Variants in PREX1 observed in about 807,000 individuals in gnomAD.
PREX1 encodes the protein phosphatidylinositol-3,4,5-trisphosphate dependent Rac exchange factor 1.
PREX1 carries 41 observed loss-of-function variants against 198.3 expected under a neutral mutation model. That is an observed-to-expected ratio of 0.21 (90% CI 0.16 to 0.27). The LOEUF is 0.27. Among genes scored for constraint, PREX1 ranks in the 10% least tolerant of loss-of-function variants. The pLI is 1.00. For missense variants in PREX1, 1,620 were observed against 2,200.7 expected, an observed-to-expected ratio of 0.74 and a Z score of 5.28; for synonymous variants, 843 against 887.2, an observed-to-expected ratio of 0.95 and a Z score of 0.89.
the PREX1 span, among the ~76,000 whole-genome samples, chr20:48,875,024 T>G: frequency 9.2e-5 from 14 of 152,066 alleles, no homozygotes; most frequent in Non-Finnish European, 2.9e-5. Context: ...GATCAGAGTT[T>G]GGGGAGGACA....
In PREX1 at chr20:48,655,723, A is replaced by G. The variant is rs369054127; in HGVS notation, c.2124-348T>C. Among the ~76,000 whole-genome samples the G allele has an allele frequency of 9.9e-5, 15 of 152,122 alleles. No homozygotes were observed. In the East Asian group the frequency reaches 2.5e-3, roughly 25 times the overall value. The stretch of plus-strand genomic sequence containing the variant: ...ACTCCAACCAGTCAATAGTTTAACA[A>G]TCGCAGGTGGGAGGGTGAGAAGTGA... On this transcript the variant is annotated intron_variant, in intron 18 of 39. Transcript: ENST00000371941.
chr20:48,843,018 T>C, the PREX1 span, among the ~76,000 whole-genome samples: 1 of 152,192 alleles, frequency 6.6e-6, no homozygotes, highest in Admixed American at 6.6e-5. Context: ...AATGAATTAA[T>C]GGATTGTTTC....
the PREX1 span, among the ~76,000 whole-genome samples, chr20:48,864,193 A>T: frequency 6.6e-6 from 1 of 152,344 alleles, no homozygotes; most frequent in East Asian, 1.9e-4. Context: ...ACAAAGAAAG[A>T]AACTGAGGCT....
intron 39 of PREX1, 67 bp from the exon 40 acceptor site, chr20:48,625,994 A>G: frequency 1.4e-6 from 2 of 1,417,772 alleles, no homozygotes; most frequent in Non-Finnish European, 1.9e-6. Context: ...TATTATTTCC[A>G]TTTTTACCTG....
chr20:48,814,631 T>G (rs1750470160), intron 1 of PREX1, among the ~76,000 whole-genome samples: 1 of 152,186 alleles, frequency 6.6e-6, no homozygotes, highest in Non-Finnish European at 1.5e-5. Context: ...GAGCTAAAGC[T>G]GGATCACATA....
At chr20:48,669,685 G>C (rs968297610) in intron 14 of PREX1, among the ~76,000 whole-genome samples, 1 of 152,194 alleles carries the variant, frequency 6.6e-6, no homozygotes, top group Non-Finnish European at 1.5e-5. Context: ...GGTGGGGAGA[G>C]TGTCTCCATC....
At chr20:48,657,273 C>A in intron 17 of PREX1, 85 bp from the exon 18 acceptor site, 1 of 1,489,892 alleles carries the variant, frequency 6.7e-7, no homozygotes, top group Non-Finnish European at 9.2e-7. Context: ...ATGTGTTCAG[C>A]AGAAGGGTGC....
At chr20:48,660,973 A>G (rs998664425) in intron 15 of PREX1, among the ~76,000 whole-genome samples, 2 of 152,230 alleles carry the variant, frequency 1.3e-5, no homozygotes, top group African/African-American at 4.8e-5. Flanking sequence ...CCTTATGAAT[A>G]AAGTTTTATT....
chr20:48,819,822 A>C (rs919352182), intron 1 of PREX1, among the ~76,000 whole-genome samples: 11 of 152,258 alleles, frequency 7.2e-5, no homozygotes, highest in African/African-American at 2.7e-4. Context: ...TGCCTGGCAC[A>C]CAGTGGGTGC....
chr20:48,642,416 G>C lies in PREX1; in HGVS notation c.3675C>G (p.Leu1225=). ...QDKLHGCLEH[L]FNQVDSINAL... is the part of the protein sequence containing the mutation. ...GGGGCAAAGGTCCTACCTGGTTAAA[G>C]AGGTGCTCCAGGCAGCCATGAAGCT... Residue 1225 remains leucine (L), a synonymous_variant, in exon 28 of 40, where the codon CTC becomes CTG. Transcript: ENST00000371941. The C allele has an allele frequency of 1.9e-6, 3 of 1,613,168 alleles. No homozygotes were observed. The highest frequency in any genetic ancestry group is 2.5e-6 in the Non-Finnish European group (3 of 1,179,318).
chr20:48,803,622 T>TAGCATCACCCCTTCTGC (rs2090397316), intron 1 of PREX1, among the ~76,000 whole-genome samples: 1 of 152,080 alleles, frequency 6.6e-6, no homozygotes, highest in Non-Finnish European at 1.5e-5. Flanking sequence ...GTAATCCACA[T>TAGCATCACCCCTTCTGC]AGCATCACCC....
chr20:48,755,227 C>T lies in PREX1; in HGVS notation c.220-7347G>A, dbSNP rs182426272. On this transcript the variant is annotated intron_variant, in intron 1 of 39. Coordinates refer to ENST00000371941, the MANE Select transcript of PREX1 (RefSeq NM_020820.4). ...TACAAACAAGTACATAAAATATAAT[C>T]TCACTGTTGGTTAAATAAATTCTCT... 8.3e-4 allele frequency among the ~76,000 whole-genome samples: 126 copies of T among 152,266 alleles called. 2 individuals carry two copies. The East Asian group carries it at 0.014, about 17-fold the overall frequency.
intron 14 of PREX1, among the ~76,000 whole-genome samples, chr20:48,670,557 C>A (rs2089668721): frequency 6.6e-6 from 1 of 152,204 alleles, no homozygotes; most frequent in East Asian, 1.9e-4. Flanking sequence ...CAGAAATCAC[C>A]CAGTGGAGAG....
chr20:48,836,643 G>A, the PREX1 span, among the ~76,000 whole-genome samples: 62 of 152,066 alleles, frequency 4.1e-4, no homozygotes, highest in African/African-American at 1.2e-3. Flanking sequence ...GGCTGGGTGC[G>A]GTGGCTCACG....
chr20:48,644,356 C>T (rs1241249051), intron 27 of PREX1, 53 bp downstream of exon 27: 22 of 1,454,768 alleles, frequency 1.5e-5, no homozygotes, highest in Non-Finnish European at 2.1e-5. Flanking sequence ...AAAACTAAAT[C>T]TCATGGGGAG....
chr20:48,766,911 T>A (rs1431809277), intron 1 of PREX1, among the ~76,000 whole-genome samples: 1 of 152,188 alleles, frequency 6.6e-6, no homozygotes. Context: ...CACTGCCGGC[T>A]TCATGGATTA....
chr20:48,837,438 A>C, the PREX1 span, among the ~76,000 whole-genome samples: 26 of 152,368 alleles, frequency 1.7e-4, no homozygotes, highest in African/African-American at 6.0e-4. Flanking sequence ...CATCAGTGGC[A>C]GACTGGATAA....
chr20:48,830,453 GAC>G (rs1404748544), upstream of PREX1, among the ~76,000 whole-genome samples: 1 of 152,230 alleles, frequency 6.6e-6, no homozygotes, highest in African/African-American at 2.4e-5. Context: ...TAAAGTACCT[GAC>G]ACACATAGCT....
At chr20:48,815,457 C>G (rs1245586448) in intron 1 of PREX1, among the ~76,000 whole-genome samples, 1 of 152,202 alleles carries the variant, frequency 6.6e-6, no homozygotes, top group Non-Finnish European at 1.5e-5. Flanking sequence ...TTGGAAATCA[C>G]TAAACAATGA....
Sources: gnomAD v4.1 joint callset for allele counts (sites outside exome capture counted in the v4.1 genomes callset) on GRCh38, gnomAD v4.1.1 for gene constraint, MANE v1.5 for transcripts, NCBI Gene and HGNC (gene_info 2026-07-23, HGNC 2026-07-21) for gene names.